Variants in ASCC3 observed in about 807,000 individuals in gnomAD.
ASCC3 encodes the protein ASC-1 complex subunit P200.
ASCC3 carries 158 observed loss-of-function variants against 256.3 expected under a neutral mutation model. The observed-to-expected ratio is 0.62, with a 90% CI of 0.54 to 0.70. The LOEUF (loss-of-function observed/expected upper bound fraction) is 0.70, where lower values mean the gene tolerates loss of function less well. ASCC3 is among the 30% of genes least tolerant of loss of function. ASCC3 has a pLI of 0.00. For synonymous variants in ASCC3, 948 were observed against 883.4 expected (o/e 1.07, Z -1.30); for missense variants, 2,259 against 2,626.0 (o/e 0.86, Z 3.05).
chr6:100,794,072 T>C (rs1421844090), intron 8 of ASCC3, among the ~76,000 whole-genome samples: 1 of 152,090 alleles, frequency 6.6e-6, no homozygotes, highest in Non-Finnish European at 1.5e-5. Flanking sequence ...CCCCTGTATA[T>C]ATAGGCTGCC....
At chr6:100,750,635 A>G (rs546144218) in intron 10 of ASCC3, among the ~76,000 whole-genome samples, 2 of 152,060 alleles carry the variant, frequency 1.3e-5, no homozygotes, top group South Asian at 4.1e-4. Context: ...ACATCTCCTT[A>G]TAACTACATA....
chr6:100,779,009 T>C (rs920180354), intron 8 of ASCC3, among the ~76,000 whole-genome samples: 2 of 152,156 alleles, frequency 1.3e-5, no homozygotes, highest in Admixed American at 6.5e-5. Flanking sequence ...TTAGTAATTA[T>C]GTAGATAAAA....
In ASCC3 at chr6:100,650,142, G is replaced by C. The variant is rs541043293; in HGVS notation, c.3252+396C>G. 2.6e-5 allele frequency among the ~76,000 whole-genome samples: 4 copies of C among 151,034 alleles called. No individual in the cohort carries two copies. The South Asian group carries it at 8.3e-4, about 31-fold the overall frequency. ...AAAAATATTATTATTTCTAATATTT[G>C]GTAAAAATCTAAAAAAGTTCCACAA... On this transcript the variant is annotated intron_variant, in intron 20 of 41. Coordinates refer to ENST00000369162, the MANE Select transcript of ASCC3 (RefSeq NM_006828.4).
At chr6:100,747,886 A>G (rs1780760257) in intron 10 of ASCC3, among the ~76,000 whole-genome samples, 1 of 152,068 alleles carries the variant, frequency 6.6e-6, no homozygotes, top group Non-Finnish European at 1.5e-5. Flanking sequence ...ATCAACCAGT[A>G]TACCTGCATT....
chr6:100,629,225 C>CA, intron 26 of ASCC3, 44 bp from the exon 27 acceptor site: 1 of 1,582,240 alleles, frequency 6.3e-7, no homozygotes, highest in African/African-American at 1.3e-5. Flanking sequence ...TTTCAGGTAA[C>CA]AAATGACCTT....
At chr6:100,813,133 G>A (rs1273548333) in intron 4 of ASCC3, among the ~76,000 whole-genome samples, 1 of 152,032 alleles carries the variant, frequency 6.6e-6, no homozygotes, top group African/African-American at 2.4e-5. Flanking sequence ...GAAATTTATT[G>A]AAAAACACAC....
At chr6:100,767,405 C>T (rs1346963537) in intron 8 of ASCC3, 60 bp from the exon 9 acceptor site, 3 of 1,472,738 alleles carry the variant, frequency 2.0e-6, no homozygotes, top group African/African-American at 2.8e-5. Flanking sequence ...CCATACAAAT[C>T]ATTATGTGTT....
chr6:100,776,831 A>T (rs151152412), intron 8 of ASCC3, among the ~76,000 whole-genome samples: 52 of 152,224 alleles, frequency 3.4e-4, no homozygotes, highest in Middle Eastern at 6.8e-3. Context: ...TAAATATCAT[A>T]AGCTTAAGTT....
chr6:100,608,317 ATATATATACCTTATATATGTATACCT>A (rs1773107124), intron 30 of ASCC3, among the ~76,000 whole-genome samples: 3 of 95,192 alleles, frequency 3.2e-5, no homozygotes, highest in Non-Finnish European at 5.5e-5. Context: ...TGTATACCTT[ATATATATACCTTATATATGTATACCT>A]TATATATATA....
At chr6:100,573,116 C>A (rs73763523) in intron 36 of ASCC3, among the ~76,000 whole-genome samples, 2,344 of 152,058 alleles carry the variant, frequency 0.015, 59 homozygotes, top group African/African-American at 0.054. Context: ...TGTTGGCATG[C>A]TTAATTTTTC....
At chr6:100,667,294 A>G (rs540720145) in intron 14 of ASCC3, among the ~76,000 whole-genome samples, 5 of 152,278 alleles carry the variant, frequency 3.3e-5, no homozygotes, top group African/African-American at 4.8e-5. Context: ...AGCAGGATAT[A>G]TAAGTACCTA....
intron 13 of ASCC3, among the ~76,000 whole-genome samples, chr6:100,694,410 C>T (rs922933047): frequency 2.0e-5 from 3 of 151,528 alleles, no homozygotes; most frequent in Non-Finnish European, 4.4e-5. Context: ...GAGTTTGAGA[C>T]AGCAGTGAGA....
At chr6:100,548,819 A>G (rs569850510) in intron 36 of ASCC3, among the ~76,000 whole-genome samples, 20 of 151,914 alleles carry the variant, frequency 1.3e-4, no homozygotes, top group African/African-American at 4.3e-4. Context: ...CCTTATCCAC[A>G]GGGGATACAT....
chr6:100,865,042 C>T (rs975451872), intron 2 of ASCC3, among the ~76,000 whole-genome samples: 1 of 152,162 alleles, frequency 6.6e-6, no homozygotes, highest in African/African-American at 2.4e-5. Flanking sequence ...GATGAAAATA[C>T]ATAATTCACC....
chr6:100,624,815 A>C (rs1774146453), intron 30 of ASCC3, among the ~76,000 whole-genome samples: 1 of 151,926 alleles, frequency 6.6e-6, no homozygotes, highest in Admixed American at 6.6e-5. Context: ...AAGGATAATA[A>C]CAGGTTTTAA....
At chr6:100,552,930 G>C (rs1388473513) in intron 36 of ASCC3, among the ~76,000 whole-genome samples, 2 of 151,840 alleles carry the variant, frequency 1.3e-5, no homozygotes, top group Non-Finnish European at 2.9e-5. Flanking sequence ...TTATGGACTT[G>C]AAAAGAGATT....
intron 34 of ASCC3, among the ~76,000 whole-genome samples, chr6:100,597,846 T>C (rs966541485): frequency 3.2e-5 from 4 of 125,668 alleles, no homozygotes; most frequent in South Asian, 2.3e-4. Flanking sequence ...TGGTGGAAGG[T>C]GCCTGTAGTC....
chr6:100,738,302 G>T (rs1011095848), intron 10 of ASCC3, among the ~76,000 whole-genome samples: 2 of 152,154 alleles, frequency 1.3e-5, no homozygotes, highest in Non-Finnish European at 2.9e-5. Flanking sequence ...CTGTGCCTAT[G>T]TCCTCAGTGG....
At chr6:100,608,146 C>CTATATATACATATATATGTATATATATT (rs1773068769) in intron 30 of ASCC3, among the ~76,000 whole-genome samples, 6 of 41,084 alleles carry the variant, frequency 1.5e-4, no homozygotes, top group Admixed American at 8.1e-4. Context: ...GTATATATAT[C>CTATATATACATATATATGTATATATATT]TATATATACA....
Sources: allele counts gnomAD v4.1 joint callset (sites outside exome capture counted in the v4.1 genomes callset), GRCh38; gene constraint gnomAD v4.1.1; transcripts MANE v1.5; gene names NCBI Gene and HGNC (gene_info 2026-07-23, HGNC 2026-07-21).